Variants in KIF23 observed in about 807,000 individuals in gnomAD.
The protein encoded by KIF23 is kinesin-like protein KIF23.
KIF23 carries 30 observed loss-of-function variants against 137.5 expected under a neutral mutation model. That is an observed-to-expected ratio of 0.22 (90% CI 0.16 to 0.30). KIF23 has a LOEUF of 0.30. Ranked by LOEUF, KIF23 falls within the 10% of genes least tolerant of loss-of-function variation. KIF23 has a pLI of 1.00. For missense variants in KIF23, 920 were observed against 1,194.3 expected (o/e 0.77, Z 3.38); for synonymous variants, 367 against 391.1 (o/e 0.94, Z 0.73).
intron 17 of KIF23, 35 bp downstream of exon 17, chr15:69,440,112 C>G (rs768679099): frequency 6.3e-7 from 1 of 1,592,888 alleles, no homozygotes; most frequent in South Asian, 1.1e-5. Flanking sequence ...GTCTCAGAGT[C>G]GGATGATTTA....
chr15:69,438,577 C>T lies in KIF23; in HGVS notation c.1755+172C>T, dbSNP rs567025388. 3.9e-5 allele frequency among the ~76,000 whole-genome samples: 6 copies of T among 152,112 alleles called. No individual in the cohort carries two copies. The East Asian group carries it at 1.2e-3, about 29-fold the overall frequency. ...CTTTGGGAGGCTGAGGTGGCCAGAT[C>T]ATCTGAGGTCAGGAGTTCAAGAACG... is the stretch of plus-strand genomic sequence containing the variant. On this transcript the variant is annotated intron_variant, in intron 16 of 23. Transcript: ENST00000679126.
At chr15:69,442,882 TATGTC>T (rs747338566) in intron 19 of KIF23, among the ~76,000 whole-genome samples, 1 of 152,246 alleles carries the variant, frequency 6.6e-6, no homozygotes, top group African/African-American at 2.4e-5. Flanking sequence ...GGTCAAAAAT[TATGTC>T]AGGTGGACTG....
At chr15:69,436,754 T>A in intron 15 of KIF23, 32 bp downstream of exon 15, 1 of 1,367,926 alleles carries the variant, frequency 7.3e-7, no homozygotes, top group Non-Finnish European at 9.7e-7. Flanking sequence ...ATAATTTTAT[T>A]TAATTATTTT....
intron 11 of KIF23, chr15:69,434,583 C>T: frequency 1.7e-6 from 2 of 1,177,330 alleles, no homozygotes; most frequent in South Asian, 1.2e-5. Context: ...AAGATAACAT[C>T]TCCTTCTTCC....
intron 11 of KIF23, among the ~76,000 whole-genome samples, chr15:69,433,634 A>G (rs1241817185): frequency 6.6e-6 from 1 of 152,144 alleles, no homozygotes; most frequent in East Asian, 1.9e-4. Context: ...GCCTCAACCC[A>G]TCTGTGTAAA....
At chr15:69,421,798 T>C in intron 4 of KIF23, 46 bp downstream of exon 4, 1 of 1,419,280 alleles carries the variant, frequency 7.0e-7, no homozygotes. Flanking sequence ...CTTTTTCTCC[T>C]CTTCTGATAA....
In KIF23 at chr15:69,445,894, T is replaced by C; in HGVS notation, c.2674-115T>C. 6.4e-6 allele frequency: 5 copies of C among 779,196 alleles called. 1 individual carries two copies. The highest frequency in any genetic ancestry group is 2.3e-5 in the Admixed American group (1 of 43,276). The allele number at this position is 779,196 out of a possible 1,614,324, so 48.3% of individuals were successfully genotyped here. A position where few individuals can be genotyped will look rare whatever the true frequency, so the allele number is the denominator to read the frequency against. ...TCAGCAAGTACCAAGTACCATCTGA[T>C]TTTGTGGATGGGAATTTCTATAAAA... On this transcript the variant is annotated intron_variant, in intron 20 of 23. Coordinates refer to ENST00000679126, the MANE Select transcript of KIF23 (RefSeq NM_001367805.3).
At position 69,447,949 on chromosome 15, in the gene KIF23, C is replaced by A; in HGVS notation, c.*142C>A. On this transcript the variant is annotated 3_prime_UTR_variant, in exon 24 of 24. Transcript: ENST00000679126. Reference sequence around the variant, plus strand: ...GGACCTCAGCTACATCATACACTGACCCAGAGCAAAGCTTTCCCTATGGTT... The same window carrying A: ...GGACCTCAGCTACATCATACACTGAACCAGAGCAAAGCTTTCCCTATGGTT... The A allele has an allele frequency of 1.5e-6, 1 of 657,450 alleles. No individual in the cohort carries two copies. 40.7% of individuals were successfully genotyped at this position (657,450 alleles called of 1,614,324 possible). A position where few individuals can be genotyped will look rare whatever the true frequency, so the allele number is the denominator to read the frequency against.
At chr15:69,446,447 T>A in intron 22 of KIF23, 83 bp downstream of exon 22, 2 of 1,073,860 alleles carry the variant, frequency 1.9e-6, no homozygotes, top group South Asian at 2.7e-5. Flanking sequence ...ATTTTTATGC[T>A]CTTTGAAAAT....
In KIF23 at chr15:69,429,040, T is replaced by C. The variant is rs915893524; in HGVS notation, c.1012-71T>C. On this transcript the variant is annotated intron_variant, in intron 10 of 23. Coordinates refer to ENST00000679126, the MANE Select transcript of KIF23 (RefSeq NM_001367805.3). Reference sequence around the variant, plus strand: ...TTCATTAAGACTTAGCTTGTTGATATGAATCTATTTAAAGAACATTATAAA... The same window carrying C: ...TTCATTAAGACTTAGCTTGTTGATACGAATCTATTTAAAGAACATTATAAA... 1.0e-5 allele frequency: 10 copies of C among 992,670 alleles called. No individual in the cohort carries two copies. The African/African-American group carries it at 1.1e-4, about 11-fold the overall frequency. 61.5% of individuals were successfully genotyped at this position (992,670 alleles called of 1,614,324 possible).
chr15:69,429,258 C>A, intron 11 of KIF23, 45 bp downstream of exon 11: 3 of 1,316,126 alleles, frequency 2.3e-6, no homozygotes, highest in Non-Finnish European at 2.1e-6. Context: ...CTTTCAGAAA[C>A]TTGCAATGCC....
In KIF23 at chr15:69,440,759, T is replaced by G; in HGVS notation, c.2110-9T>G. 6.3e-7 allele frequency: 1 copy of G among 1,576,256 alleles called. No homozygotes were observed. The highest frequency in any genetic ancestry group is 8.6e-7 in the Non-Finnish European group (1 of 1,165,848). On this transcript the variant is annotated splice_polypyrimidine_tract_variant and intron_variant, in intron 18 of 23. Coordinates refer to ENST00000679126, the MANE Select transcript of KIF23 (RefSeq NM_001367805.3). ...GTCTTGCTCATTAATTTTTCTCCAA[T>G]TTTTCTAGCTTTCTAGTAACTATAT... is the stretch of plus-strand genomic sequence containing the variant.
intron 3 of KIF23, among the ~76,000 whole-genome samples, chr15:69,421,018 C>T (rs555405799): frequency 1.3e-5 from 2 of 152,296 alleles, no homozygotes; most frequent in South Asian, 2.1e-4. Flanking sequence ...GACTATGAAT[C>T]GTTACAATAC....
In KIF23 at chr15:69,423,260, A is replaced by G; in HGVS notation, c.665A>G (p.Tyr222Cys). 2 of 1,585,356 alleles carry G rather than the reference A, an allele frequency of 1.3e-6. No individual in the cohort carries two copies. The highest frequency in any genetic ancestry group is 1.7e-6 in the Non-Finnish European group (2 of 1,158,908). ...EDSVYGVFVSYIEIYNNYIYD... is the reference protein window; with the variant it reads ...EDSVYGVFVSCIEIYNNYIYD... ...AGTGTCTATGGTGTATTTGTCTCTT[A>G]TATTGAAATATATAATAATTACATA... The change falls in exon 7 of 24, where the codon TAT becomes TGT. Residue 222 changes from tyrosine (Y) to cysteine (C), a missense_variant. Physicochemically the swap from Tyr to Cys is radical, Grantham distance 194. Transcript: ENST00000679126.
chr15:69,436,021 A>G (rs2057469233), intron 13 of KIF23, 117 bp from the exon 14 acceptor site: 9 of 1,391,126 alleles, frequency 6.5e-6, no homozygotes, highest in Admixed American at 2.3e-5. Flanking sequence ...ACTGCACTCC[A>G]GCCTGGTGAC....
intron 1 of KIF23, 87 bp downstream of exon 1, chr15:69,414,563 G>A (rs2140299637): frequency 6.5e-5 from 83 of 1,267,830 alleles, no homozygotes; most frequent in African/African-American, 2.1e-4. Flanking sequence ...CTCAGGCCGC[G>A]GCCGTACGCG....
rs3825858 is a variant in KIF23, at chr15:69,436,610, A to G, written c.1485A>G (p.Pro495=). ...DVVLQSFPPL[P]SCEILDINDE... is the part of the protein sequence containing the mutation. ...TTTTGCAGAGTTTTCCACCTTTGCCATCATGCGAAATTTTGGATATCAACG... is the reference window on the plus strand; with the variant it reads ...TTTTGCAGAGTTTTCCACCTTTGCCGTCATGCGAAATTTTGGATATCAACG... The change falls in exon 15 of 24, where the codon CCA becomes CCG. Residue 495 remains proline, a synonymous_variant. Transcript: ENST00000679126. The G allele has an allele frequency of 0.94, 1,509,190 of 1,612,434 alleles. 713,995 individuals are homozygous for G. The highest frequency in any genetic ancestry group is 0.97 in the Non-Finnish European group (1,147,415 of 1,179,010).
rs2056942172 is a variant in KIF23, at chr15:69,417,386, T to A, written c.85T>A (p.Tyr29Asn). 1.3e-6 allele frequency: 2 copies of A among 1,597,600 alleles called. No homozygotes were observed. Among genetic ancestry groups the A allele is most frequent in the South Asian group, 1.1e-5 (1 of 87,114 alleles). ...QTNLKDPVGV[Y>N]CRVRPLGFPD... The stretch of plus-strand genomic sequence containing the variant: ...AAGCACCTTCCTATTTCTTCAGGTA[T>A]ACTGTAGGGTGCGCCCACTGGGCTT... Residue 29 changes from tyrosine (Y) to asparagine (N), a missense_variant, in exon 3 of 24, where the codon TAC becomes AAC. By Grantham distance (143) the Tyr-to-Asn change is moderately radical (BLOSUM62 -2). Coordinates refer to ENST00000679126, the MANE Select transcript of KIF23 (RefSeq NM_001367805.3).
At position 69,447,934 on chromosome 15, in the gene KIF23, T is replaced by C. The variant is rs117120578; in HGVS notation, c.*127T>C. The C allele has an allele frequency of 7.7e-3, 6,856 of 885,510 alleles. 54 individuals are homozygous for C. The highest frequency in any genetic ancestry group is 0.01 in the Middle Eastern group (45 of 4,490). 54.9% of individuals were successfully genotyped at this position (885,510 alleles called of 1,614,324 possible). On this transcript the variant is annotated 3_prime_UTR_variant, in exon 24 of 24. Coordinates refer to ENST00000679126, the MANE Select transcript of KIF23 (RefSeq NM_001367805.3). The stretch of plus-strand genomic sequence containing the variant: ...TTTGTTGAAAATCACGGACCTCAGC[T>C]ACATCATACACTGACCCAGAGCAAA...
Sources: allele counts gnomAD v4.1 joint callset (sites outside exome capture counted in the v4.1 genomes callset), GRCh38; gene constraint gnomAD v4.1.1; transcripts MANE v1.5; gene names NCBI Gene and HGNC (gene_info 2026-07-23, HGNC 2026-07-21).